NALCN: variants seen among roughly 807,000 people sequenced by gnomAD.
NALCN encodes sodium leak channel, non-selective, also known as sodium leak channel NALCN.
Under a neutral mutation model 225.3 loss-of-function variants are expected in NALCN, and 111 were observed. The observed-to-expected ratio is 0.49, with a 90% CI of 0.42 to 0.58. NALCN has a LOEUF of 0.58. Ranked by LOEUF, NALCN falls within the 20% of genes least tolerant of loss-of-function variation. The pLI, the probability that NALCN is intolerant of heterozygous loss-of-function variation, is 0.00. For synonymous variants in NALCN, 764 were observed against 769.0 expected (o/e 0.99, Z 0.11); for missense variants, 1,378 against 2,202.4 (o/e 0.63, Z 7.49).
intron 7 of NALCN, among the ~76,000 whole-genome samples, chr13:101,327,490 C>T (rs1047334496): frequency 6.6e-6 from 1 of 152,010 alleles, no homozygotes; most frequent in Non-Finnish European, 1.5e-5. Flanking sequence ...TAAATTTAAC[C>T]CAGATTCAGT....
intron 7 of NALCN, among the ~76,000 whole-genome samples, chr13:101,293,193 C>T (rs1250353482): frequency 2.0e-5 from 3 of 152,126 alleles, no homozygotes; most frequent in African/African-American, 7.2e-5. Flanking sequence ...GTACAAAGCC[C>T]CACACATCCA....
At chr13:101,177,651 C>T (rs761221478) in intron 14 of NALCN, among the ~76,000 whole-genome samples, 3 of 151,936 alleles carry the variant, frequency 2.0e-5, no homozygotes, top group South Asian at 2.1e-4. Flanking sequence ...AAATATTTTA[C>T]GCTGTAGTCC....
At chr13:101,250,955 A>G (rs1269191053) in intron 11 of NALCN, among the ~76,000 whole-genome samples, 1 of 152,090 alleles carries the variant, frequency 6.6e-6, no homozygotes, top group African/African-American at 2.4e-5. Context: ...TTAAGACTAT[A>G]ATGATTATAT....
intron 6 of NALCN, among the ~76,000 whole-genome samples, chr13:101,351,454 T>C (rs1332706042): frequency 6.6e-6 from 1 of 152,152 alleles, no homozygotes; most frequent in Admixed American, 6.6e-5. Context: ...TCTAAGAAAA[T>C]GTGTTCTGAA....
At chr13:101,171,295 CTTTATA>C (rs1408918047) in intron 15 of NALCN, among the ~76,000 whole-genome samples, 1 of 147,952 alleles carries the variant, frequency 6.8e-6, no homozygotes, top group African/African-American at 2.5e-5. Flanking sequence ...TAAATATAAT[CTTTATA>C]TTTAATATAT....
At chr13:101,193,724 C>T (rs1157910427) in intron 13 of NALCN, among the ~76,000 whole-genome samples, 1 of 152,182 alleles carries the variant, frequency 6.6e-6, no homozygotes, top group African/African-American at 2.4e-5. Flanking sequence ...TTTTTCAACA[C>T]ATCACTTATC....
chr13:101,323,649 T>C (rs2044836148), intron 7 of NALCN, among the ~76,000 whole-genome samples: 1 of 152,206 alleles, frequency 6.6e-6, no homozygotes, highest in Non-Finnish European at 1.5e-5. Flanking sequence ...AGCCTCAACA[T>C]AGTAAGCTCA....
chr13:101,223,907 C>T (rs2041040504), intron 13 of NALCN, among the ~76,000 whole-genome samples: 1 of 152,128 alleles, frequency 6.6e-6, no homozygotes, highest in Non-Finnish European at 1.5e-5. Context: ...ACACCTGCCA[C>T]AACTTGTCAC....
chr13:101,247,338 C>T (rs760726437), intron 11 of NALCN, among the ~76,000 whole-genome samples: 12 of 152,098 alleles, frequency 7.9e-5, no homozygotes, highest in Non-Finnish European at 1.5e-4. Context: ...TGTGATATCA[C>T]CCATATCAAG....
chr13:101,080,506 AGTATAATTACATAC>A (rs1385428291), intron 34 of NALCN, among the ~76,000 whole-genome samples: 1 of 147,772 alleles, frequency 6.8e-6, no homozygotes, highest in African/African-American at 2.5e-5. Flanking sequence ...TAATTACATA[AGTATAATTACATAC>A]ATAATAGTTA....
chr13:101,154,679 A>G (rs770123441), intron 15 of NALCN, among the ~76,000 whole-genome samples: 16 of 152,240 alleles, frequency 1.1e-4, no homozygotes, highest in Non-Finnish European at 1.9e-4. Context: ...AATGGTGATG[A>G]GATGAGAACA....
At chr13:101,386,035 T>G (rs776406101) in intron 3 of NALCN, among the ~76,000 whole-genome samples, 22 of 152,312 alleles carry the variant, frequency 1.4e-4, no homozygotes, top group Non-Finnish European at 2.9e-4. Context: ...CTTTAATGTA[T>G]TTTTTAAATT....
chr13:101,170,283 CAGG>C (rs1281567789), intron 15 of NALCN, among the ~76,000 whole-genome samples: 1 of 152,126 alleles, frequency 6.6e-6, no homozygotes, highest in Admixed American at 6.5e-5. Context: ...TTCCTCAGGG[CAGG>C]AGAAGGTTGT....
intron 13 of NALCN, among the ~76,000 whole-genome samples, chr13:101,224,252 C>T (rs1233955139): frequency 6.6e-6 from 1 of 152,146 alleles, no homozygotes. Flanking sequence ...CTCTTTCTCT[C>T]CCAAACTTTC....
intron 12 of NALCN, among the ~76,000 whole-genome samples, chr13:101,229,930 G>C (rs1275390179): frequency 6.6e-6 from 1 of 152,096 alleles, no homozygotes; most frequent in Admixed American, 6.5e-5. Context: ...AACATAAAAT[G>C]CTCAAAAATT....
intron 7 of NALCN, among the ~76,000 whole-genome samples, chr13:101,329,183 G>A (rs2045070665): frequency 1.3e-5 from 2 of 152,116 alleles, no homozygotes; most frequent in Non-Finnish European, 1.5e-5. Flanking sequence ...ATATCTGTAT[G>A]CACAAATATA....
At chr13:101,308,469 T>G (rs964804123) in intron 7 of NALCN, among the ~76,000 whole-genome samples, 1 of 152,194 alleles carries the variant, frequency 6.6e-6, no homozygotes, top group Non-Finnish European at 1.5e-5. Context: ...AGGCCTGCAC[T>G]TTGGGATGAC....
intron 7 of NALCN, among the ~76,000 whole-genome samples, chr13:101,319,399 C>T (rs1453871049): frequency 1.3e-5 from 2 of 152,206 alleles, no homozygotes; most frequent in Admixed American, 6.5e-5. Context: ...CCACACAGGA[C>T]ACCCAGGCTG....
chr13:101,170,684 C>A (rs1411937638), intron 15 of NALCN, among the ~76,000 whole-genome samples: 3 of 152,214 alleles, frequency 2.0e-5, no homozygotes, highest in Non-Finnish European at 4.4e-5. Context: ...CTATCCAACA[C>A]TATGCAGTGG....
Sources: allele counts gnomAD v4.1 joint callset (sites outside exome capture counted in the v4.1 genomes callset), GRCh38; gene constraint gnomAD v4.1.1; transcripts MANE v1.5; gene names NCBI Gene and HGNC (gene_info 2026-07-23, HGNC 2026-07-21).